ULK4: variants seen among roughly 807,000 people sequenced by gnomAD.
The protein encoded by ULK4 is unc-51 like kinase 4, also known as inactive serine/threonine-protein kinase ULK4.
ULK4 carries 133 observed loss-of-function variants against 160.6 expected under a neutral mutation model. The observed-to-expected ratio is 0.83, with a 90% confidence interval of 0.72 to 0.96. ULK4 has a LOEUF of 0.96. ULK4 is among the 40% of genes least tolerant of loss of function. The pLI is 0.00. For missense variants in ULK4, 1,580 were observed against 1,499.5 expected (o/e 1.05, Z -0.89); for synonymous variants, 534 against 539.8 (o/e 0.99, Z 0.15).
chr3:41,898,371 T>C (rs759627262), intron 14 of ULK4, 61 bp downstream of exon 14: 4 of 1,041,244 alleles, frequency 3.8e-6, no homozygotes, highest in Non-Finnish European at 5.6e-6. Flanking sequence ...TGCAAATAAA[T>C]TTCATATTTG....
At chr3:41,396,414 T>A (rs547946045) in intron 35 of ULK4, among the ~76,000 whole-genome samples, 1 of 152,098 alleles carries the variant, frequency 6.6e-6, no homozygotes, top group South Asian at 2.1e-4. Context: ...ATCAGACCAA[T>A]ATTTTCCAAG....
chr3:41,317,605 A>G (rs910328993), intron 35 of ULK4, among the ~76,000 whole-genome samples: 3 of 152,022 alleles, frequency 2.0e-5, no homozygotes, highest in African/African-American at 7.2e-5. Flanking sequence ...ATGTTCCTCT[A>G]CCCTCCCACC....
intron 17 of ULK4, among the ~76,000 whole-genome samples, chr3:41,858,790 C>G (rs2042431762): frequency 6.6e-6 from 1 of 151,476 alleles, no homozygotes; most frequent in South Asian, 2.1e-4. Flanking sequence ...TAGGCATGAG[C>G]CACAGTTCCT....
At position 41,501,273 on chromosome 3, in the gene ULK4, G is replaced by A. The variant is rs550502117; in HGVS notation, c.3227-38020C>T. On this transcript the variant is annotated intron_variant, in intron 32 of 36. Coordinates refer to ENST00000301831, the MANE Select transcript of ULK4 (RefSeq NM_017886.4). ...AGCACTTTGGGAGGCCGAGACGGGC[G>A]GATCACGAGGTCAGGAGATCAAGAC... Among the ~76,000 whole-genome samples the A allele has an allele frequency of 2.1e-4, 32 of 152,248 alleles. 1 individual carries two copies. The highest frequency in any genetic ancestry group is 7.2e-4 in the Admixed American group (11 of 15,288).
At chr3:41,947,896 T>C (rs576662062) in intron 2 of ULK4, among the ~76,000 whole-genome samples, 69 of 152,226 alleles carry the variant, frequency 4.5e-4, no homozygotes, top group Middle Eastern at 3.4e-3. Context: ...GGTGTTGAAG[T>C]GAGTGAATGA....
chr3:41,795,401 T>TA (rs2040273353), intron 20 of ULK4, among the ~76,000 whole-genome samples: 1 of 152,156 alleles, frequency 6.6e-6, no homozygotes, highest in Non-Finnish European at 1.5e-5. Context: ...AGTTTAATCT[T>TA]ACTAACCTCT....
At chr3:41,642,724 C>T (rs1257645388) in intron 30 of ULK4, among the ~76,000 whole-genome samples, 1 of 152,176 alleles carries the variant, frequency 6.6e-6, no homozygotes, top group Non-Finnish European at 1.5e-5. Flanking sequence ...ATGGCTGGGT[C>T]AAATGGTATT....
chr3:41,802,797 G>A (rs771623043), intron 19 of ULK4, among the ~76,000 whole-genome samples: 1 of 152,004 alleles, frequency 6.6e-6, no homozygotes, highest in Non-Finnish European at 1.5e-5. Flanking sequence ...CATACATGAG[G>A]TTCATATGTA....
At chr3:41,589,087 C>T (rs1488291323) in intron 31 of ULK4, among the ~76,000 whole-genome samples, 2 of 150,268 alleles carry the variant, frequency 1.3e-5, no homozygotes, top group Admixed American at 1.3e-4. Context: ...ATTACCCTAC[C>T]TCTGTCAAAC....
intron 31 of ULK4, among the ~76,000 whole-genome samples, chr3:41,594,756 T>C (rs1370870688): frequency 6.6e-6 from 1 of 152,078 alleles, no homozygotes; most frequent in Non-Finnish European, 1.5e-5. Flanking sequence ...AAATCAAATC[T>C]AGCAAATCTA....
intron 32 of ULK4, among the ~76,000 whole-genome samples, chr3:41,467,907 T>C (rs1442884763): frequency 3.3e-5 from 5 of 152,190 alleles, no homozygotes; most frequent in African/African-American, 2.4e-5. Context: ...AAATATAAGA[T>C]TTGTACCTTT....
At chr3:41,448,786 A>G (rs1255358275) in intron 34 of ULK4, among the ~76,000 whole-genome samples, 1 of 152,210 alleles carries the variant, frequency 6.6e-6, no homozygotes, top group Non-Finnish European at 1.5e-5. Flanking sequence ...TGGCGAAGGA[A>G]AAGACAAGAA....
chr3:41,257,169 A>G (rs1354422157), intron 35 of ULK4, among the ~76,000 whole-genome samples: 3 of 152,208 alleles, frequency 2.0e-5, no homozygotes, highest in Non-Finnish European at 4.4e-5. Flanking sequence ...GTCATTAGGG[A>G]AATGCATATT....
At chr3:41,259,100 GTATATGTA>G (rs1362937707) in intron 35 of ULK4, among the ~76,000 whole-genome samples, 1 of 132,156 alleles carries the variant, frequency 7.6e-6, no homozygotes, top group Non-Finnish European at 1.5e-5. Flanking sequence ...ATACATATAT[GTATATGTA>G]TATATGTGTA....
intron 16 of ULK4, among the ~76,000 whole-genome samples, chr3:41,884,348 T>C (rs1697640218): frequency 2.0e-5 from 3 of 152,228 alleles, no homozygotes; most frequent in South Asian, 4.1e-4. Context: ...TGAGTTTCTA[T>C]GTAAGTAGTA....
chr3:41,559,056 A>G (rs1369863633), intron 32 of ULK4, among the ~76,000 whole-genome samples: 2 of 136,678 alleles, frequency 1.5e-5, no homozygotes, highest in South Asian at 2.6e-4. Context: ...GCCCCGGTGT[A>G]TCATGTTCCC....
intron 27 of ULK4, among the ~76,000 whole-genome samples, chr3:41,693,020 T>A (rs2036362526): frequency 1.3e-5 from 2 of 152,226 alleles, no homozygotes; most frequent in African/African-American, 2.4e-5. Flanking sequence ...GTAAATGCAT[T>A]GGAAATTCAT....
rs192020899 is a variant in ULK4 at position 41,754,465 on chromosome 3, A to G, written c.2217T>C (p.Arg739=). The G allele has an allele frequency of 1.1e-3, 1,765 of 1,613,520 alleles. 1 individual carries two copies. Among genetic ancestry groups the G allele is most frequent in the Non-Finnish European group, 1.4e-3 (1,629 of 1,179,752 alleles). Residue 739 remains arginine (R), a synonymous_variant, in exon 22 of 37, where the codon CGT becomes CGC. Transcript: ENST00000301831. ...QEKGFVSTII[R]LLDSPSTCIR... ...TGCATGTTGAGGGGCTGTCAAGTAAACGGATAATTGTGGAGACAAAACCCT... is the reference window on the plus strand; with the variant it reads ...TGCATGTTGAGGGGCTGTCAAGTAAGCGGATAATTGTGGAGACAAAACCCT...
intron 21 of ULK4, among the ~76,000 whole-genome samples, chr3:41,780,881 G>C (rs552741233): frequency 2.6e-5 from 4 of 152,192 alleles, no homozygotes; most frequent in African/African-American, 9.6e-5. Flanking sequence ...GGTTCCCAGA[G>C]ACACAGAGTT....
Sources: gnomAD v4.1 joint callset for allele counts (sites outside exome capture counted in the v4.1 genomes callset) on GRCh38, gnomAD v4.1.1 for gene constraint, MANE v1.5 for transcripts, NCBI Gene and HGNC (gene_info 2026-07-23, HGNC 2026-07-21) for gene names.